The following RNF180 variants were observed in gnomAD, a reference collection of about 807,000 sequenced individuals.
The protein encoded by RNF180 is E3 ubiquitin-protein ligase RNF180.
Under a neutral mutation model 59.2 loss-of-function variants are expected in RNF180, and 38 were observed. The observed-to-expected ratio is 0.64, with a 90% confidence interval of 0.50 to 0.84. RNF180 has a LOEUF of 0.84. Among genes scored for constraint, RNF180 ranks in the 40% least tolerant of loss-of-function variants. The probability of loss-of-function intolerance (pLI) is 0.00; values close to 1 mark genes in which losing one functional copy is unlikely to be tolerated. For synonymous variants in RNF180, 262 were observed against 240.3 expected (o/e 1.09, Z -0.84); for missense variants, 705 against 700.9 (o/e 1.01, Z -0.07).
intron 5 of RNF180, among the ~76,000 whole-genome samples, chr5:64,320,993 G>A (rs548214397): frequency 7.9e-5 from 12 of 151,992 alleles, no homozygotes; most frequent in East Asian, 1.9e-4. Context: ...AGCCGAGATC[G>A]CGCCACTGCA....
chr5:64,349,425 G>A (rs1274664784), intron 7 of RNF180, among the ~76,000 whole-genome samples: 2 of 140,510 alleles, frequency 1.4e-5, no homozygotes, highest in African/African-American at 5.4e-5. Flanking sequence ...TTTTTTTTGA[G>A]TTTCTATTAC....
intron 5 of RNF180, among the ~76,000 whole-genome samples, chr5:64,245,575 A>C (rs992417855): frequency 6.6e-6 from 1 of 152,202 alleles, no homozygotes; most frequent in Non-Finnish European, 1.5e-5. Context: ...AACTATCCTA[A>C]ATATATATGC....
chr5:64,190,852 T>TTTCCAGCA (rs1161090454), intron 1 of RNF180, among the ~76,000 whole-genome samples: 1 of 152,190 alleles, frequency 6.6e-6, no homozygotes, highest in Non-Finnish European at 1.5e-5. Context: ...TAATTTTGAA[T>TTTCCAGCA]TTCCAGCATT....
In RNF180 at chr5:64,370,643, A is replaced by C. The variant is rs144074302; in HGVS notation, c.*829A>C. 3.4e-3 allele frequency: 514 copies of C among 151,766 alleles called. 6 individuals carry two copies. The highest frequency in any genetic ancestry group is 0.012 in the African/African-American group (491 of 41,500). The allele number at this position is 151,766 out of a possible 1,614,324, so 9.4% of individuals were successfully genotyped here. A position where few individuals can be genotyped will look rare whatever the true frequency, so the allele number is the denominator to read the frequency against. ...TTTTAATTTTTTTAATGTCTGAATA[A>C]AGTATTGTTATAAATAGGCTTATCG... is the stretch of plus-strand genomic sequence containing the variant. On this transcript the variant is annotated 3_prime_UTR_variant, in exon 8 of 8. Transcript: ENST00000389100.
intron 5 of RNF180, among the ~76,000 whole-genome samples, chr5:64,251,635 G>A (rs140941876): frequency 1.1e-3 from 160 of 152,152 alleles, no homozygotes; most frequent in African/African-American, 3.7e-3. Context: ...TGTGTTACCC[G>A]GGATGGTCTG....
At chr5:64,279,762 A>G (rs867716457) in intron 5 of RNF180, among the ~76,000 whole-genome samples, 2 of 152,248 alleles carry the variant, frequency 1.3e-5, no homozygotes, top group Middle Eastern at 3.4e-3. Flanking sequence ...TGAAAGGTTG[A>G]CTGGGTGCTT....
intron 7 of RNF180, among the ~76,000 whole-genome samples, chr5:64,345,145 T>TC (rs1374412872): frequency 6.6e-6 from 1 of 152,148 alleles, no homozygotes; most frequent in Non-Finnish European, 1.5e-5. Context: ...TAGAGAATTA[T>TC]CCACCTGAGT....
At chr5:64,294,887 C>T (rs1212660614) in intron 5 of RNF180, among the ~76,000 whole-genome samples, 2 of 152,118 alleles carry the variant, frequency 1.3e-5, no homozygotes, top group African/African-American at 4.8e-5. Flanking sequence ...CTCACCAAGA[C>T]ATAAAGCGTA....
chr5:64,212,057 T>C lies in RNF180; in HGVS notation c.136-8T>C, dbSNP rs1336273832. The C allele has an allele frequency of 6.7e-7, 1 of 1,491,550 alleles. No homozygotes were observed. Among genetic ancestry groups the C allele is most frequent in the African/African-American group, 1.4e-5 (1 of 72,648 alleles). 92.4% of individuals were successfully genotyped at this position (1,491,550 alleles called of 1,614,324 possible). A position where few individuals can be genotyped will look rare whatever the true frequency, so the allele number is the denominator to read the frequency against. Reference sequence around the variant, plus strand: ...TAATTAGTAATATCATTTATTTTTATTTAACAGGATAAAGATGATTCAGTT... The same window carrying C: ...TAATTAGTAATATCATTTATTTTTACTTAACAGGATAAAGATGATTCAGTT... On this transcript the variant is annotated splice_polypyrimidine_tract_variant and splice_region_variant and intron_variant, in intron 2 of 7. Coordinates refer to ENST00000389100, the MANE Select transcript of RNF180 (RefSeq NM_001113561.2).
chr5:64,325,067 A>G (rs1744566449), intron 5 of RNF180, 119 bp from the exon 6 acceptor site: 1 of 631,566 alleles, frequency 1.6e-6, no homozygotes. Context: ...GGCACTTTGA[A>G]TATGCCACAG....
chr5:64,170,997 G>C (rs1345017695), intron 1 of RNF180, among the ~76,000 whole-genome samples: 1 of 152,140 alleles, frequency 6.6e-6, no homozygotes, highest in Non-Finnish European at 1.5e-5. Context: ...GTACAGTATT[G>C]GGTCATTTCA....
intron 5 of RNF180, among the ~76,000 whole-genome samples, chr5:64,280,558 G>T (rs769253638): frequency 6.6e-6 from 1 of 151,954 alleles, no homozygotes; most frequent in African/African-American, 2.4e-5. Flanking sequence ...TTATTGAATA[G>T]GGAGTCTTTT....
chr5:64,325,058 G>T (rs1205108365), intron 5 of RNF180, 128 bp from the exon 6 acceptor site: 4 of 609,392 alleles, frequency 6.6e-6, no homozygotes, highest in African/African-American at 5.6e-5. Flanking sequence ...AGCATTTCTG[G>T]CACTTTGAAT....
chr5:64,223,829 A>C (rs764699451), intron 5 of RNF180, among the ~76,000 whole-genome samples: 13 of 152,216 alleles, frequency 8.5e-5, no homozygotes, highest in Non-Finnish European at 1.9e-4. Flanking sequence ...CAATGAATGA[A>C]ATATCATCGC....
chr5:64,357,488 A>C (rs1746075891), intron 7 of RNF180, among the ~76,000 whole-genome samples: 1 of 151,846 alleles, frequency 6.6e-6, no homozygotes, highest in African/African-American at 2.4e-5. Context: ...AACCTGCAAA[A>C]TGTCTTTCAA....
intron 7 of RNF180, among the ~76,000 whole-genome samples, chr5:64,333,606 A>G (rs1745005289): frequency 6.6e-6 from 1 of 152,210 alleles, no homozygotes; most frequent in Non-Finnish European, 1.5e-5. Flanking sequence ...AGTCCCTTGT[A>G]TTCTACCTTC....
In RNF180 at chr5:64,235,542, A is replaced by G. The variant is rs1046104044; in HGVS notation, c.1227+18146A>G. On this transcript the variant is annotated intron_variant, in intron 5 of 7. Coordinates refer to ENST00000389100, the MANE Select transcript of RNF180 (RefSeq NM_001113561.2). ...GTTTTCACATTCATTTTGTGAAAAT[A>G]GCTATTCTCATACTGATACTAGATC... 2.1e-4 allele frequency among the ~76,000 whole-genome samples: 32 copies of G among 151,948 alleles called. 1 individual carries two copies. Among genetic ancestry groups the G allele is most frequent in the African/African-American group, 7.7e-4 (32 of 41,412 alleles).
intron 5 of RNF180, among the ~76,000 whole-genome samples, chr5:64,218,148 C>T (rs976228744): frequency 3.3e-5 from 5 of 152,110 alleles, no homozygotes; most frequent in South Asian, 2.1e-4. Flanking sequence ...TCTCAAAAAA[C>T]GTTTTAATAG....
chr5:64,270,571 G>A (rs1183395450), intron 5 of RNF180, among the ~76,000 whole-genome samples: 5 of 152,064 alleles, frequency 3.3e-5, no homozygotes, highest in African/African-American at 1.2e-4. Flanking sequence ...GAGGGAAGTG[G>A]CATTCTTCCC....
Sources: allele counts gnomAD v4.1 joint callset (sites outside exome capture counted in the v4.1 genomes callset), GRCh38; gene constraint gnomAD v4.1.1; transcripts MANE v1.5; gene names NCBI Gene and HGNC (gene_info 2026-07-23, HGNC 2026-07-21).